The following GDI2 variants were observed in gnomAD, a reference collection of about 807,000 sequenced individuals.
The protein encoded by GDI2 is GDP dissociation inhibitor 2, also known as rab GDP dissociation inhibitor beta.
In GDI2, 22 loss-of-function variants were observed where a neutral mutation model predicts 54.2. The observed-to-expected ratio is 0.41, with a 90% confidence interval of 0.29 to 0.58. The LOEUF (loss-of-function observed/expected upper bound fraction) is 0.58. Ranked by LOEUF, GDI2 falls within the 20% of genes least tolerant of loss-of-function variation. The pLI is 0.35. For missense variants in GDI2, 422 were observed against 546.0 expected, an observed-to-expected ratio of 0.77 and a Z score of 2.26; for synonymous variants, 177 against 182.1, an observed-to-expected ratio of 0.97 and a Z score of 0.23.
intron 1 of GDI2, among the ~76,000 whole-genome samples, chr10:5,809,001 T>C (rs1208141765): frequency 6.6e-6 from 1 of 152,028 alleles, no homozygotes; most frequent in East Asian, 1.9e-4. Context: ...TCCCAGCACT[T>C]TGGGAGGCCT....
chr10:5,810,139 C>A (rs1370560497), intron 1 of GDI2, among the ~76,000 whole-genome samples: 1 of 152,184 alleles, frequency 6.6e-6, no homozygotes, highest in African/African-American at 2.4e-5. Context: ...TTCTCTGAAT[C>A]TGAAATCACA....
At chr10:5,802,820 G>A (rs541873757) in intron 1 of GDI2, among the ~76,000 whole-genome samples, 2 of 152,156 alleles carry the variant, frequency 1.3e-5, no homozygotes, top group Non-Finnish European at 2.9e-5. Flanking sequence ...TCACACAGGA[G>A]GAAAAAAGAG....
At chr10:5,773,769 A>G in intron 7 of GDI2, 73 bp downstream of exon 7, 1 of 749,590 alleles carries the variant, frequency 1.3e-6, no homozygotes, top group Non-Finnish European at 2.3e-6. Context: ...TGTCCACACC[A>G]AAATCAATAT....
chr10:5,799,177 A>G (rs1328134660), intron 2 of GDI2, among the ~76,000 whole-genome samples: 1 of 152,056 alleles, frequency 6.6e-6, no homozygotes, highest in African/African-American at 2.4e-5. Context: ...CCCCATCTCT[A>G]CAAAAAATAA....
rs1369014349 is a variant in GDI2 at position 5,768,694 on chromosome 10, T to C, written c.820-310A>G. The C allele has an allele frequency of 4.6e-6, 1 of 218,000 alleles. No individual in the cohort carries two copies. Among genetic ancestry groups the C allele is most frequent in the Admixed American group, 5.5e-5 (1 of 18,122 alleles). 13.5% of individuals were successfully genotyped at this position (218,000 alleles called of 1,614,324 possible). ...AACCCTCGCATCCACAGTACAGTGA[T>C]TTTTGACAAAGTTGCAAAGACCATT... On this transcript the variant is annotated intron_variant, in intron 7 of 10. Transcript: ENST00000380191. This position sits in a 1 kb window ranked among gnomAD's most constrained non-coding sequence, Gnocchi z 4.4.
At position 5,800,683 on chromosome 10, in the gene GDI2, A is replaced by G; in HGVS notation, c.68T>C (p.Met23Thr). 6.4e-7 allele frequency: 1 copy of G among 1,571,668 alleles called. No individual in the cohort carries two copies. The highest frequency in any genetic ancestry group is 8.8e-7 in the Non-Finnish European group (1 of 1,141,226). Residue 23 changes from methionine to threonine, a missense_variant, in exon 2 of 11, where the codon ATG becomes ACG. Transcript: ENST00000380191. ...AAGAACTTTCTTGCCATTCACTGACATTATACCTGACAGGATACATTCCTA... is the reference window on the plus strand; with the variant it reads ...AAGAACTTTCTTGCCATTCACTGACGTTATACCTGACAGGATACATTCCTA... Reference protein sequence around the residue: ...GLTECILSGIMSVNGKKVLHM... With the variant: ...GLTECILSGITSVNGKKVLHM...
chr10:5,776,363 C>T lies in GDI2; in HGVS notation c.720-2422G>A. 1.5e-6 allele frequency: 1 copy of T among 687,204 alleles called. No individual in the cohort carries two copies. Among genetic ancestry groups the T allele is most frequent in the South Asian group, 1.6e-5 (1 of 61,612 alleles). The allele number at this position is 687,204 out of a possible 1,614,324, so 42.6% of individuals were successfully genotyped here. On this transcript the variant is annotated intron_variant, in intron 6 of 10. Transcript: ENST00000380191. This position sits in a 1 kb window ranked among gnomAD's most constrained non-coding sequence, Gnocchi z 5.3. ...CTGAGGATGCAGAGAGCCAGAGCCC[C>T]CTTTCTCAGAAGCACAGCCCTTTCA...
chr10:5,791,173 T>C (rs1841003712), intron 4 of GDI2, among the ~76,000 whole-genome samples: 1 of 152,080 alleles, frequency 6.6e-6, no homozygotes. Flanking sequence ...TGTATCCCTA[T>C]AGTCCCAGCT....
chr10:5,783,449 C>T (rs944726401), intron 6 of GDI2, among the ~76,000 whole-genome samples: 62 of 152,136 alleles, frequency 4.1e-4, no homozygotes, highest in Admixed American at 4.1e-3. Flanking sequence ...TTACATTCAA[C>T]ATTAGTATTG....
chr10:5,797,453 G>A (rs527999628), intron 2 of GDI2, among the ~76,000 whole-genome samples: 1 of 150,284 alleles, frequency 6.7e-6, no homozygotes, highest in Non-Finnish European at 1.5e-5. Context: ...GCTGAGGCAG[G>A]AGAATCGTTT....
chr10:5,780,209 C>CA (rs747338122), intron 6 of GDI2, among the ~76,000 whole-genome samples: 235 of 89,430 alleles, frequency 2.6e-3, no homozygotes, highest in African/African-American at 4.5e-3. Context: ...ATCGTGTCTC[C>CA]AAAAAAAAAA....
chr10:5,787,060 T>C (rs897904350), intron 4 of GDI2, among the ~76,000 whole-genome samples: 3 of 151,944 alleles, frequency 2.0e-5, no homozygotes, highest in African/African-American at 7.3e-5. Flanking sequence ...ATCTCCCTTC[T>C]CCCCCCATTC....
intron 4 of GDI2, among the ~76,000 whole-genome samples, chr10:5,788,959 G>GTTTCACCA (rs1174911647): frequency 6.6e-6 from 1 of 152,008 alleles, no homozygotes; most frequent in Admixed American, 6.5e-5. Flanking sequence ...TAGAGATGGG[G>GTTTCACCA]TTTCACCATG....
At chr10:5,772,958 A>G (rs908793367) in intron 7 of GDI2, among the ~76,000 whole-genome samples, 53 of 152,156 alleles carry the variant, frequency 3.5e-4, no homozygotes, top group African/African-American at 1.2e-3. Flanking sequence ...CTCCAGGTAT[A>G]ACCTGGACAT....
At chr10:5,812,825 C>T (rs975878660) in intron 1 of GDI2, among the ~76,000 whole-genome samples, 16 of 152,350 alleles carry the variant, frequency 1.1e-4, no homozygotes, top group Non-Finnish European at 1.6e-4. Context: ...CCTGCACCGT[C>T]CCCTCCGCCT....
intron 6 of GDI2, among the ~76,000 whole-genome samples, chr10:5,782,586 A>G (rs530278752): frequency 9.2e-5 from 14 of 152,210 alleles, no homozygotes; most frequent in Non-Finnish European, 2.1e-4. Context: ...GTCCACCAAA[A>G]GGAGAATTAT....
chr10:5,794,202 T>A (rs1428627812), intron 4 of GDI2, among the ~76,000 whole-genome samples: 3,652 of 62,816 alleles, frequency 0.058, 245 homozygotes, highest in Non-Finnish European at 0.078. Context: ...TATATATATA[T>A]ATATATATAT....
intron 1 of GDI2, among the ~76,000 whole-genome samples, chr10:5,801,847 C>A (rs1306827803): frequency 6.6e-6 from 1 of 151,760 alleles, no homozygotes; most frequent in Non-Finnish European, 1.5e-5. Context: ...CCTGTCTCTA[C>A]TAAATACACA....
At chr10:5,770,498 A>G (rs990750706) in intron 7 of GDI2, among the ~76,000 whole-genome samples, 5 of 151,972 alleles carry the variant, frequency 3.3e-5, no homozygotes, top group Non-Finnish European at 7.4e-5. Flanking sequence ...GGAGGCAGAG[A>G]TTGCAGTGAG....
Sources: gnomAD v4.1 joint callset for allele counts (sites outside exome capture counted in the v4.1 genomes callset) on GRCh38, gnomAD v4.1.1 for gene constraint, Gnocchi (gnomAD v3.1) non-coding constraint, MANE v1.5 for transcripts, NCBI Gene and HGNC (gene_info 2026-07-23, HGNC 2026-07-21) for gene names.